The following KLRG2 variants were observed in gnomAD, a reference collection of about 807,000 sequenced individuals.
KLRG2 encodes killer cell lectin like receptor G2, also known as killer cell lectin-like receptor subfamily G member 2.
KLRG2 carries 39 observed loss-of-function variants against 35.4 expected under a neutral mutation model. The observed-to-expected ratio is 1.10, with a 90% CI of 0.85 to 1.44. KLRG2 has a LOEUF of 1.44. Ranked by LOEUF, KLRG2 falls within the 40% of genes most tolerant of loss-of-function variation. The pLI is 0.00. For missense variants in KLRG2, 632 were observed against 570.9 expected (o/e 1.11, Z -1.09); for synonymous variants, 283 against 265.8 (o/e 1.06, Z -0.63).
downstream of KLRG2, among the ~76,000 whole-genome samples, chr7:139,451,792 T>C (rs1002796784): frequency 6.6e-6 from 1 of 152,078 alleles, no homozygotes; most frequent in African/African-American, 2.4e-5. Flanking sequence ...GATAAGGTTC[T>C]GTATACTCAT....
chr7:139,480,734 C>T (rs1423694061), intron 1 of KLRG2, among the ~76,000 whole-genome samples: 2 of 141,446 alleles, frequency 1.4e-5, no homozygotes, highest in South Asian at 2.3e-4. Flanking sequence ...TGTGAGCCAA[C>T]GCGTCTGGCC....
rs1276019473 is a variant in KLRG2, at chr7:139,483,486, C to T, written c.157G>A (p.Ala53Thr). ...CCTGCGCCCGCCGCCTTCTCCACGGCCCCGGCCGGACTTGGGCTGCTTTCG... is the reference window on the plus strand; with the variant it reads ...CCTGCGCCCGCCGCCTTCTCCACGGTCCCGGCCGGACTTGGGCTGCTTTCG... ...GPESSPSPAG[A>T]VEKAAGAGLE... The change falls in exon 1 of 5, where the codon GCC becomes ACC. Residue 53 changes from alanine (A) to threonine (T), a missense_variant. Transcript: ENST00000340940. 1.9e-6 allele frequency: 3 copies of T among 1,596,564 alleles called. No homozygotes were observed. Among genetic ancestry groups the T allele is most frequent in the Middle Eastern group, 1.7e-4 (1 of 5,942 alleles).
At chr7:139,445,750 A>G in the KLRG2 span, among the ~76,000 whole-genome samples, 1 of 104,488 alleles carries the variant, frequency 9.6e-6, no homozygotes, top group Non-Finnish European at 1.8e-5. Context: ...TCCTTCCTAA[A>G]TTATATATAT....
intron 1 of KLRG2, 121 bp downstream of exon 1, chr7:139,482,765 T>C (rs1796982347): frequency 3.4e-6 from 3 of 876,730 alleles, no homozygotes; most frequent in Non-Finnish European, 4.6e-6. Context: ...GGGATCGGGA[T>C]GGCCAACTGG....
At chr7:139,459,509 G>A (rs975094593) in intron 3 of KLRG2, among the ~76,000 whole-genome samples, 2 of 152,130 alleles carry the variant, frequency 1.3e-5, no homozygotes, top group Admixed American at 6.6e-5. Flanking sequence ...AGTCTGAGTC[G>A]TTTGGTACAG....
rs75608929 is a variant in KLRG2 at position 139,468,819 on chromosome 7, C to T, written c.1005+10808G>A. Among the ~76,000 whole-genome samples the T allele has an allele frequency of 5.9e-3, 891 of 152,268 alleles. 8 individuals are homozygous for T. The highest frequency in any genetic ancestry group is 0.019 in the African/African-American group (805 of 41,530). On this transcript the variant is annotated intron_variant, in intron 3 of 4. Coordinates refer to ENST00000340940, the MANE Select transcript of KLRG2 (RefSeq NM_198508.4). Reference sequence around the variant, plus strand: ...AACCCCCAGTACCTCAAAATGTGACCGTACTTGGAGTCACGCTTTTAAAGA... The same window carrying T: ...AACCCCCAGTACCTCAAAATGTGACTGTACTTGGAGTCACGCTTTTAAAGA...
chr7:139,454,844 AATAATAATAAT>A (rs1295620679), intron 3 of KLRG2, among the ~76,000 whole-genome samples: 1 of 139,620 alleles, frequency 7.2e-6, no homozygotes, highest in Non-Finnish European at 1.5e-5. Context: ...TAATAATAAT[AATAATAATAAT>A]AATAATAATA....
At chr7:139,468,751 CG>C (rs1569413706) in intron 3 of KLRG2, among the ~76,000 whole-genome samples, 5 of 152,188 alleles carry the variant, frequency 3.3e-5, no homozygotes, top group Non-Finnish European at 5.9e-5. Flanking sequence ...GTAAGTGTGA[CG>C]GGATGAATTC....
the KLRG2 span, among the ~76,000 whole-genome samples, chr7:139,445,962 G>C: frequency 6.6e-6 from 1 of 151,368 alleles, no homozygotes; most frequent in Non-Finnish European, 1.5e-5. Context: ...CTCCCGAGTA[G>C]CTGGGATTGC....
the KLRG2 span, among the ~76,000 whole-genome samples, chr7:139,428,948 T>A: frequency 2.6e-5 from 4 of 152,222 alleles, no homozygotes; most frequent in African/African-American, 7.2e-5. Flanking sequence ...AGTAGATCAC[T>A]GGTTTTTCAA....
At chr7:139,435,288 G>A in the KLRG2 span, among the ~76,000 whole-genome samples, 1 of 152,106 alleles carries the variant, frequency 6.6e-6, no homozygotes, top group Non-Finnish European at 1.5e-5. Flanking sequence ...TCAGGAGTTC[G>A]AGACCAGCCT....
chr7:139,469,437 GGT>G (rs1222284024), intron 3 of KLRG2, among the ~76,000 whole-genome samples: 4 of 152,034 alleles, frequency 2.6e-5, no homozygotes, highest in Non-Finnish European at 5.9e-5. Flanking sequence ...TGTGATTATA[GGT>G]GTGAGCCACC....
Position 139,483,118 on chromosome 7 carries a change from T to G in KLRG2, c.525A>C (p.Ala175=). 2 of 1,476,730 alleles carry G rather than the reference T, an allele frequency of 1.4e-6. No homozygotes were observed. Among genetic ancestry groups the G allele is most frequent in the South Asian group, 2.6e-5 (2 of 76,962 alleles). 91.5% of individuals were successfully genotyped at this position (1,476,730 alleles called of 1,614,324 possible). A position where few individuals can be genotyped will look rare whatever the true frequency, so the allele number is the denominator to read the frequency against. Residue 175 remains alanine (A), a synonymous_variant, in exon 1 of 5, where the codon GCA becomes GCC. Transcript: ENST00000340940. ...GGCCCCACGTGCCGCCCTGGGATGG[T>G]GCGCGCAGCAGGAGCTGGTGCGCCG... ...ADPAHQLLLR[A]PSQGGTWGRR... is the part of the protein sequence containing the mutation.
At chr7:139,433,958 GTTT>G in the KLRG2 span, among the ~76,000 whole-genome samples, 3 of 152,032 alleles carry the variant, frequency 2.0e-5, no homozygotes, top group African/African-American at 7.2e-5. Context: ...CATCACGTGC[GTTT>G]TTTAACCTCA....
At chr7:139,450,477 C>G (rs1246373242), downstream of KLRG2, among the ~76,000 whole-genome samples, 1 of 152,144 alleles carries the variant, frequency 6.6e-6, no homozygotes, top group East Asian at 1.9e-4. Context: ...CCCACCGTGG[C>G]CTCCCAAAGT....
At chr7:139,437,487 C>G in the KLRG2 span, among the ~76,000 whole-genome samples, 2 of 151,410 alleles carry the variant, frequency 1.3e-5, no homozygotes, top group African/African-American at 4.8e-5. Flanking sequence ...GACAGAGTCT[C>G]GCTCTGTTGC....
the KLRG2 span, among the ~76,000 whole-genome samples, chr7:139,445,785 ATATATATG>A: frequency 2.4e-5 from 3 of 124,212 alleles, no homozygotes; most frequent in African/African-American, 1.0e-4. Context: ...ATATATGTAT[ATATATATG>A]TGTGTATATA....
At chr7:139,450,413 T>C (rs555238198), downstream of KLRG2, among the ~76,000 whole-genome samples, 17 of 151,736 alleles carry the variant, frequency 1.1e-4, 1 homozygote, top group African/African-American at 2.2e-4. Flanking sequence ...TCAGTAGAGA[T>C]GGGGTTTCAC....
chr7:139,449,843 G>A (rs1796349119), downstream of KLRG2, among the ~76,000 whole-genome samples: 1 of 150,948 alleles, frequency 6.6e-6, no homozygotes, highest in African/African-American at 2.4e-5. Flanking sequence ...GGGACTACAG[G>A]CGCCCACCAC....
Sources: gnomAD v4.1 joint callset for allele counts (sites outside exome capture counted in the v4.1 genomes callset) on GRCh38, gnomAD v4.1.1 for gene constraint, MANE v1.5 for transcripts, NCBI Gene and HGNC (gene_info 2026-07-23, HGNC 2026-07-21) for gene names.